SDC3: variants seen among roughly 807,000 people sequenced by gnomAD.
The protein encoded by SDC3 is syndecan 3.
SDC3 carries 13 observed loss-of-function variants against 24.4 expected under a neutral mutation model. The ratio of observed to expected loss-of-function variants is 0.53; its 90% CI spans 0.35 to 0.85. The LOEUF (loss-of-function observed/expected upper bound fraction) is 0.85, where lower values mean the gene tolerates loss of function less well. Ranked by LOEUF, SDC3 falls within the 40% of genes least tolerant of loss-of-function variation. The pLI, the probability that SDC3 is intolerant of heterozygous loss-of-function variation, is 0.01. For synonymous variants in SDC3, 295 were observed against 260.9 expected, an observed-to-expected ratio of 1.13 and a Z score of -1.26; for missense variants, 571 against 584.5, an observed-to-expected ratio of 0.98 and a Z score of 0.24.
In SDC3 at chr1:30,908,614, C is replaced by T; in HGVS notation, c.-28G>A. 1 of 922,318 alleles carries T rather than the reference C, an allele frequency of 1.1e-6. No individual in the cohort carries two copies. Among genetic ancestry groups the T allele is most frequent in the Non-Finnish European group, 1.3e-6 (1 of 776,932 alleles). 57.1% of individuals were successfully genotyped at this position (922,318 alleles called of 1,614,324 possible). A position where few individuals can be genotyped will look rare whatever the true frequency, so the allele number is the denominator to read the frequency against. On this transcript the variant is annotated 5_prime_UTR_variant, in exon 1 of 5. Coordinates refer to ENST00000339394, the MANE Select transcript of SDC3 (RefSeq NM_014654.4). ...CGGCGGCGCGGGCGCGGGCGGCGGGCGGCGGGCGGGCGCCTTTGTTCCCGA... is the reference window on the plus strand; with the variant it reads ...CGGCGGCGCGGGCGCGGGCGGCGGGTGGCGGGCGGGCGCCTTTGTTCCCGA...
At chr1:30,904,367 C>G (rs1018928436) in intron 1 of SDC3, among the ~76,000 whole-genome samples, 3 of 152,056 alleles carry the variant, frequency 2.0e-5, no homozygotes. Flanking sequence ...TGGGATGAGC[C>G]CCCCCTCGCT....
intron 1 of SDC3, among the ~76,000 whole-genome samples, chr1:30,907,743 CCA>C (rs1638552852): frequency 6.6e-6 from 1 of 151,690 alleles, no homozygotes; most frequent in East Asian, 1.9e-4. Flanking sequence ...ACTGAGTTGG[CCA>C]CACACGCCCA....
At chr1:30,895,662 G>A (rs1639988876) in intron 1 of SDC3, among the ~76,000 whole-genome samples, 1 of 152,146 alleles carries the variant, frequency 6.6e-6, no homozygotes, top group Admixed American at 6.5e-5. Flanking sequence ...AGGAACTAAA[G>A]AAGAATCAAG....
At chr1:30,873,975 G>C (rs1639586391) in intron 4 of SDC3, among the ~76,000 whole-genome samples, 1 of 152,022 alleles carries the variant, frequency 6.6e-6, no homozygotes, top group South Asian at 2.1e-4. Flanking sequence ...TTAGCATCTA[G>C]GAAGTAAGGT....
intron 1 of SDC3, among the ~76,000 whole-genome samples, chr1:30,900,164 T>G (rs1319681106): frequency 6.6e-6 from 1 of 152,092 alleles, no homozygotes; most frequent in Non-Finnish European, 1.5e-5. Flanking sequence ...TTGCTCAACC[T>G]CTCAGGGCCT....
intron 1 of SDC3, among the ~76,000 whole-genome samples, chr1:30,906,118 C>A (rs12563707): frequency 1.3e-5 from 2 of 152,006 alleles, no homozygotes; most frequent in Non-Finnish European, 2.9e-5. Flanking sequence ...ACCTCAGTCC[C>A]TCCTGCTGCA....
intron 1 of SDC3, 42 bp downstream of exon 1, chr1:30,908,406 GC>G (rs2124350246): frequency 1.0e-6 from 1 of 1,002,172 alleles, no homozygotes; most frequent in South Asian, 4.1e-5. Flanking sequence ...GCGGGGGGCG[GC>G]CCCGGGGAGC....
intron 1 of SDC3, among the ~76,000 whole-genome samples, chr1:30,900,765 G>A (rs1638399798): frequency 6.6e-6 from 1 of 152,156 alleles, no homozygotes; most frequent in African/African-American, 2.4e-5. Context: ...GCTGGTGATT[G>A]ATTCTAAATT....
At chr1:30,894,312 TGC>T (rs1639957247) in intron 1 of SDC3, among the ~76,000 whole-genome samples, 2 of 122,372 alleles carry the variant, frequency 1.6e-5, no homozygotes, top group Non-Finnish European at 3.3e-5. Context: ...GGGGTGTGTG[TGC>T]ATGAGTGTGT....
At chr1:30,882,268 G>A (rs531928352) in intron 1 of SDC3, among the ~76,000 whole-genome samples, 7 of 152,202 alleles carry the variant, frequency 4.6e-5, no homozygotes, top group Non-Finnish European at 7.4e-5. Flanking sequence ...CACACACATC[G>A]GGATGAAATG....
intron 3 of SDC3, among the ~76,000 whole-genome samples, chr1:30,875,066 C>T (rs1275015467): frequency 6.6e-6 from 1 of 152,218 alleles, no homozygotes; most frequent in African/African-American, 2.4e-5. Context: ...AGTCCAAGAG[C>T]ACAACCTGCA....
At chr1:30,904,370 C>A (rs900115391) in intron 1 of SDC3, among the ~76,000 whole-genome samples, 16 of 152,214 alleles carry the variant, frequency 1.1e-4, no homozygotes, top group South Asian at 4.2e-4. Context: ...GATGAGCCCC[C>A]CCTCGCTCTC....
At chr1:30,899,616 C>T (rs1411258669) in intron 1 of SDC3, among the ~76,000 whole-genome samples, 3 of 152,194 alleles carry the variant, frequency 2.0e-5, no homozygotes, top group African/African-American at 4.8e-5. Flanking sequence ...ATGATCCACC[C>T]GCCTTGGCCT....
At position 30,876,800 on chromosome 1, in the gene SDC3, C is replaced by G. The variant is rs2491132; in HGVS notation, c.622G>C (p.Val208Leu). 1 of 1,601,330 alleles carries G rather than the reference C, an allele frequency of 6.2e-7. No individual in the cohort carries two copies. Among genetic ancestry groups the G allele is most frequent in the East Asian group, 2.2e-5 (1 of 44,710 alleles). ...ATTAVIRTTG[V>L]RRLLPLPLTT... ...AGTGGGAGAGGCAGAAGCCTCCGTA[C>G]GCCAGTGGTCCTTATAACAGCAGTG... Residue 208 changes from valine to leucine, a missense_variant, in exon 3 of 5, where the codon GTA becomes CTA. Physicochemically the swap from Val to Leu is conservative, Grantham distance 32 (BLOSUM62 1). Coordinates refer to ENST00000339394, the MANE Select transcript of SDC3 (RefSeq NM_014654.4).
At chr1:30,877,328 T>A in intron 2 of SDC3, 163 bp from the exon 3 acceptor site, 2 of 940,374 alleles carry the variant, frequency 2.1e-6, no homozygotes, top group Non-Finnish European at 3.2e-6. Flanking sequence ...ACAGCCCAGC[T>A]AAAGGTGGTC....
intron 1 of SDC3, among the ~76,000 whole-genome samples, chr1:30,888,665 C>T (rs935944009): frequency 6.6e-5 from 10 of 152,322 alleles, no homozygotes; most frequent in Middle Eastern, 3.4e-3. Flanking sequence ...TGTGGTTCCC[C>T]GCACCCTCCT....
chr1:30,902,689 C>A (rs1445350939), intron 1 of SDC3, among the ~76,000 whole-genome samples: 1 of 152,338 alleles, frequency 6.6e-6, no homozygotes, highest in South Asian at 2.1e-4. Flanking sequence ...GGGCTCCAAG[C>A]AGCTGGGCTG....
rs1639508744 is a variant in SDC3 at position 30,870,193 on chromosome 1, CCA to C, written c.*3016_*3017del. The C allele has an allele frequency of 3.4e-5, 11 of 326,152 alleles. No individual in the cohort carries two copies. In the East Asian group the frequency reaches 5.1e-4, roughly 15 times the overall value. The allele number at this position is 326,152 out of a possible 1,614,324, so 20.2% of individuals were successfully genotyped here. A position where few individuals can be genotyped will look rare whatever the true frequency, so the allele number is the denominator to read the frequency against. On this transcript the variant is annotated 3_prime_UTR_variant, in exon 5 of 5. Transcript: ENST00000339394. ...TTTGCCAACCCCAGGGGGGTTTGGCCCACACACCCTAAGCCCTGCCCAGCCCT... is the reference window on the plus strand; with the variant it reads ...TTTGCCAACCCCAGGGGGGTTTGGCCCACACCCTAAGCCCTGCCCAGCCCT...
At chr1:30,898,526 G>A (rs1035429302) in intron 1 of SDC3, among the ~76,000 whole-genome samples, 5 of 152,168 alleles carry the variant, frequency 3.3e-5, no homozygotes, top group African/African-American at 1.2e-4. Flanking sequence ...TCCCTGCCCA[G>A]CCCCCAGCTA....
Sources: allele counts gnomAD v4.1 joint callset (sites outside exome capture counted in the v4.1 genomes callset), GRCh38; gene constraint gnomAD v4.1.1; transcripts MANE v1.5; gene names NCBI Gene and HGNC (gene_info 2026-07-23, HGNC 2026-07-21).